Variants in MEI1 observed in about 807,000 individuals in gnomAD.
The protein encoded by MEI1 is meiosis inhibitor protein 1.
MEI1 carries 103 observed loss-of-function variants against 146.2 expected under a neutral mutation model. That is an observed-to-expected ratio of 0.70 (90% CI 0.60 to 0.83). The LOEUF (loss-of-function observed/expected upper bound fraction) is 0.83, where lower values mean the gene tolerates loss of function less well. Among genes scored for constraint, MEI1 ranks in the 40% least tolerant of loss-of-function variants. MEI1 has a pLI of 0.00. For synonymous variants in MEI1, 652 were observed against 628.2 expected, an observed-to-expected ratio of 1.04 and a Z score of -0.57; for missense variants, 1,529 against 1,533.0, an observed-to-expected ratio of 1.00 and a Z score of 0.04.
chr22:41,700,411 A>G (rs1259926574), intron 1 of MEI1, among the ~76,000 whole-genome samples: 1 of 151,852 alleles, frequency 6.6e-6, no homozygotes, highest in Non-Finnish European at 1.5e-5. Flanking sequence ...GCTCACTGCA[A>G]CCTCTGTTTC....
At chr22:41,789,689 G>C (rs1226298493) in intron 26 of MEI1, among the ~76,000 whole-genome samples, 1 of 152,086 alleles carries the variant, frequency 6.6e-6, no homozygotes, top group African/African-American at 2.4e-5. Flanking sequence ...CTATCTCTAT[G>C]AATTTGACTA....
At chr22:41,755,131 T>G (rs1038515246) in intron 17 of MEI1, among the ~76,000 whole-genome samples, 1 of 152,202 alleles carries the variant, frequency 6.6e-6, no homozygotes, top group Non-Finnish European at 1.5e-5. Flanking sequence ...CTGCTGTGGA[T>G]AGAGCGATTA....
chr22:41,708,611 G>A (rs889898622), intron 3 of MEI1, among the ~76,000 whole-genome samples: 5 of 152,182 alleles, frequency 3.3e-5, no homozygotes, highest in African/African-American at 1.2e-4. Context: ...AACAGGAAAA[G>A]TTTAGAGTGA....
At chr22:41,738,637 T>C (rs1053404886) in intron 11 of MEI1, among the ~76,000 whole-genome samples, 11 of 151,648 alleles carry the variant, frequency 7.3e-5, no homozygotes, top group African/African-American at 2.7e-4. Flanking sequence ...CTGGGCGTGG[T>C]GGCACATACC....
chr22:41,704,989 C>T (rs2068976867), intron 2 of MEI1, among the ~76,000 whole-genome samples: 1 of 152,162 alleles, frequency 6.6e-6, no homozygotes, highest in Non-Finnish European at 1.5e-5. Flanking sequence ...GCTGGAATTA[C>T]AGGCGTGAGC....
At chr22:41,738,574 G>A (rs1273268542) in intron 11 of MEI1, among the ~76,000 whole-genome samples, 1 of 150,524 alleles carries the variant, frequency 6.6e-6, no homozygotes, top group East Asian at 2.0e-4. Flanking sequence ...GCAACAGAGC[G>A]AGACTCTGTC....
intron 5 of MEI1, 141 bp from the exon 6 acceptor site, chr22:41,717,930 G>T (rs1026107275): frequency 1.4e-6 from 1 of 703,416 alleles, no homozygotes. Flanking sequence ...TTTGCCTTTA[G>T]ATTAAGCATG....
Position 41,780,219 on chromosome 22 carries a change from C to T in MEI1, c.2816-1065C>T, listed in dbSNP as rs144429755. Among the ~76,000 whole-genome samples the T allele has an allele frequency of 1.5e-3, 221 of 152,296 alleles. 1 individual carries two copies. Among genetic ancestry groups the T allele is most frequent in the African/African-American group, 5.2e-3 (215 of 41,558 alleles). On this transcript the variant is annotated intron_variant, in intron 22 of 30. Transcript: ENST00000401548. ...AACCCACACATGAAATGTAATAGGACATTTACATATAATCCTTGAGCACTT... is the reference window on the plus strand; with the variant it reads ...AACCCACACATGAAATGTAATAGGATATTTACATATAATCCTTGAGCACTT...
chr22:41,718,855 T>C lies in MEI1; in HGVS notation c.733+581T>C, dbSNP rs73161362. Among the ~76,000 whole-genome samples, 665 of 152,172 alleles carry C rather than the reference T, an allele frequency of 4.4e-3. 8 individuals are homozygous for C. The highest frequency in any genetic ancestry group is 8.5e-3 in the Non-Finnish European group (576 of 67,998). On this transcript the variant is annotated intron_variant, in intron 6 of 30. Transcript: ENST00000401548. ...GGCAAGAGAAAAAGCTAGAGGGGAC[T>C]GAACTTGTCCTTTTTTTTCTTTTTT...
At chr22:41,722,114 C>T (rs2070904124) in intron 6 of MEI1, 1 of 151,344 alleles carries the variant, frequency 6.6e-6, no homozygotes, top group East Asian at 1.9e-4. Flanking sequence ...GGAGTGCTAA[C>T]CTTCTTTCAG....
chr22:41,765,351 C>T (rs780966470), intron 19 of MEI1, among the ~76,000 whole-genome samples: 4 of 152,026 alleles, frequency 2.6e-5, no homozygotes, highest in South Asian at 2.1e-4. Flanking sequence ...TATGGTGGTG[C>T]GCACCTGTGG....
At chr22:41,709,912 A>C (rs2069402974) in intron 3 of MEI1, among the ~76,000 whole-genome samples, 1 of 152,126 alleles carries the variant, frequency 6.6e-6, no homozygotes, top group Admixed American at 6.6e-5. Context: ...AGGAACTAAG[A>C]TCTTTAGCAG....
intron 14 of MEI1, among the ~76,000 whole-genome samples, chr22:41,747,736 C>CCCCAAAA (rs1569240908): frequency 1.5e-5 from 2 of 133,232 alleles, no homozygotes; most frequent in Admixed American, 1.5e-4. Flanking sequence ...CCCACCCCCC[C>CCCCAAAA]AAAAAAAACA....
chr22:41,752,392 G>A, intron 15 of MEI1, 199 bp from the exon 16 acceptor site: 1 of 584,462 alleles, frequency 1.7e-6, no homozygotes, highest in South Asian at 2.1e-5. Flanking sequence ...AACACCCTGT[G>A]AGGTACAAAT....
chr22:41,755,082 T>C (rs950072745), intron 17 of MEI1, among the ~76,000 whole-genome samples: 3 of 152,110 alleles, frequency 2.0e-5, no homozygotes, highest in Non-Finnish European at 4.4e-5. Flanking sequence ...TGTTGAACAT[T>C]CATTGAGCTT....
At chr22:41,770,362 T>G (rs1206909240) in intron 19 of MEI1, among the ~76,000 whole-genome samples, 1 of 152,108 alleles carries the variant, frequency 6.6e-6, no homozygotes, top group African/African-American at 2.4e-5. Flanking sequence ...ATCATTCTTG[T>G]GTGATAAGCT....
intron 3 of MEI1, among the ~76,000 whole-genome samples, chr22:41,706,177 A>G (rs1383494595): frequency 6.6e-6 from 1 of 151,896 alleles, no homozygotes. Context: ...CACTACCATG[A>G]CTGGCTAAAA....
chr22:41,752,813 T>C (rs1266770315), intron 16 of MEI1, among the ~76,000 whole-genome samples, 162 bp downstream of exon 16: 2 of 152,186 alleles, frequency 1.3e-5, no homozygotes, highest in Non-Finnish European at 2.9e-5. Context: ...TGGTCATGCT[T>C]CTGTAGGTTG....
chr22:41,784,258 T>C (rs1439389264), intron 24 of MEI1, 81 bp from the exon 25 acceptor site: 5 of 1,248,918 alleles, frequency 4.0e-6, no homozygotes, highest in African/African-American at 1.5e-5. Flanking sequence ...GGGGAGGTGA[T>C]AGAAGAGATT....
Sources: allele counts gnomAD v4.1 joint callset (sites outside exome capture counted in the v4.1 genomes callset), GRCh38; gene constraint gnomAD v4.1.1; transcripts MANE v1.5; gene names NCBI Gene and HGNC (gene_info 2026-07-23, HGNC 2026-07-21).